The following HPSE2 variants were observed in gnomAD, a reference collection of about 807,000 sequenced individuals.
HPSE2 encodes inactive heparanase-2.
Under a neutral mutation model 60.5 loss-of-function variants are expected in HPSE2, and 38 were observed. The observed-to-expected ratio is 0.63, with a 90% CI of 0.48 to 0.82. The LOEUF is 0.82. Among genes scored for constraint, HPSE2 ranks in the 40% least tolerant of loss-of-function variants. The pLI, the probability that HPSE2 is intolerant of heterozygous loss-of-function variation, is 0.00. For missense variants in HPSE2, 713 were observed against 740.4 expected (o/e 0.96, Z 0.43); for synonymous variants, 295 against 293.2 (o/e 1.01, Z -0.06).
At chr10:98,772,778 A>G (rs888186556) in intron 3 of HPSE2, among the ~76,000 whole-genome samples, 1 of 152,234 alleles carries the variant, frequency 6.6e-6, no homozygotes, top group African/African-American at 2.4e-5. Context: ...CTTGGACATG[A>G]CTACAAAAAA....
At chr10:98,981,694 A>T (rs147843253) in intron 3 of HPSE2, among the ~76,000 whole-genome samples, 71 of 152,236 alleles carry the variant, frequency 4.7e-4, no homozygotes, top group African/African-American at 1.6e-3. Context: ...CCTATCTGGT[A>T]GCTATTTCTA....
At chr10:99,160,856 G>A (rs530134816) in intron 2 of HPSE2, among the ~76,000 whole-genome samples, 12 of 124,290 alleles carry the variant, frequency 9.7e-5, no homozygotes, top group East Asian at 2.5e-4. Flanking sequence ...CCGAGATCCC[G>A]CCACTGCACT....
intron 8 of HPSE2, among the ~76,000 whole-genome samples, chr10:98,615,355 T>G (rs535267384): frequency 1.3e-5 from 2 of 152,244 alleles, no homozygotes; most frequent in South Asian, 4.2e-4. Flanking sequence ...AAGCCTAATA[T>G]CCCTCCTGGC....
At chr10:99,155,866 T>C (rs1260442801) in intron 2 of HPSE2, among the ~76,000 whole-genome samples, 4 of 150,164 alleles carry the variant, frequency 2.7e-5, no homozygotes, top group East Asian at 4.0e-4. Context: ...GCAAGACTAA[T>C]AAAGAAAAAA....
chr10:99,114,001 CCTTTA>C (rs1309210140), intron 3 of HPSE2, among the ~76,000 whole-genome samples: 2 of 152,212 alleles, frequency 1.3e-5, no homozygotes, highest in South Asian at 2.1e-4. Flanking sequence ...TTCAAAAATC[CCTTTA>C]CTTTAAGTCC....
chr10:98,726,715 C>T (rs1385744044), intron 4 of HPSE2, among the ~76,000 whole-genome samples: 1 of 151,104 alleles, frequency 6.6e-6, no homozygotes, highest in Non-Finnish European at 1.5e-5. Context: ...CACAGTGAAC[C>T]TTGACAATCT....
intron 3 of HPSE2, among the ~76,000 whole-genome samples, chr10:98,936,427 T>G (rs934935336): frequency 7.0e-6 from 1 of 143,404 alleles, no homozygotes; most frequent in Admixed American, 7.0e-5. Flanking sequence ...CCTGGTGGTG[T>G]AGGCTCACGA....
chr10:99,009,256 A>G (rs1265832895), intron 3 of HPSE2, among the ~76,000 whole-genome samples: 1 of 151,218 alleles, frequency 6.6e-6, no homozygotes, highest in Non-Finnish European at 1.5e-5. Context: ...AAAAAAAAAA[A>G]AAAAAAAAAA....
chr10:98,998,448 GTGATTTT>G (rs1241804958), intron 3 of HPSE2, among the ~76,000 whole-genome samples: 1 of 152,208 alleles, frequency 6.6e-6, no homozygotes, highest in African/African-American at 2.4e-5. Flanking sequence ...ATTTCTTCAT[GTGATTTT>G]GGCTGGTAGT....
At chr10:98,561,982 A>G (rs1051062477) in intron 9 of HPSE2, among the ~76,000 whole-genome samples, 2 of 152,246 alleles carry the variant, frequency 1.3e-5, no homozygotes, top group African/African-American at 2.4e-5. Context: ...CATTCACTCA[A>G]CACTCATTTA....
intron 7 of HPSE2, 101 bp from the exon 8 acceptor site, chr10:98,620,809 T>C (rs1364950070): frequency 1.2e-6 from 1 of 837,780 alleles, no homozygotes; most frequent in African/African-American, 1.7e-5. Context: ...TCTGATTTCC[T>C]GTTTTCAGGG....
At chr10:98,697,745 G>A (rs1005528853) in intron 5 of HPSE2, among the ~76,000 whole-genome samples, 2 of 152,096 alleles carry the variant, frequency 1.3e-5, no homozygotes, top group Non-Finnish European at 2.9e-5. Context: ...AAAATGTTAA[G>A]GGCAGCCAGA....
the HPSE2 span, among the ~76,000 whole-genome samples, chr10:99,305,997 A>ACACACACACACACG: frequency 6.7e-6 from 1 of 149,862 alleles, no homozygotes; most frequent in Non-Finnish European, 1.5e-5. Context: ...ACACACACAC[A>ACACACACACACACG]CACACACACA....
rs532975431 is a variant in HPSE2, at chr10:99,117,768, G to A, written c.610+26470C>T. On this transcript the variant is annotated intron_variant, in intron 3 of 11. Coordinates refer to ENST00000370552, the MANE Select transcript of HPSE2 (RefSeq NM_021828.5). The stretch of plus-strand genomic sequence containing the variant: ...AAGCCCAGGAACAAACAGATTCACA[G>A]TCGAATTCTACCAGTTATAAAAAGA... 3.9e-5 allele frequency among the ~76,000 whole-genome samples: 6 copies of A among 152,214 alleles called. 1 individual carries two copies. In the South Asian group the frequency reaches 1.2e-3, roughly 32 times the overall value.
intron 3 of HPSE2, among the ~76,000 whole-genome samples, chr10:99,005,344 CTTTTTAA>C (rs949097907): frequency 2.0e-5 from 3 of 152,006 alleles, no homozygotes; most frequent in Admixed American, 6.5e-5. Flanking sequence ...CACTCCTTTT[CTTTTTAA>C]TTTTTATCAT....
In HPSE2 at chr10:98,596,336, A is replaced by T. The variant is rs760069108; in HGVS notation, c.1320+18568T>A. ...TATTGTTGCTATTGTTATTTTTAGT[A>T]GTTTTTTAATCTTCATTTTAAAGAT... On this transcript the variant is annotated intron_variant, in intron 9 of 11. Coordinates refer to ENST00000370552, the MANE Select transcript of HPSE2 (RefSeq NM_021828.5). 6.3e-3 allele frequency among the ~76,000 whole-genome samples: 960 copies of T among 151,862 alleles called. 4 individuals carry two copies. Among genetic ancestry groups the T allele is most frequent in the Non-Finnish European group, 9.7e-3 (659 of 67,914 alleles).
intron 3 of HPSE2, among the ~76,000 whole-genome samples, chr10:99,097,674 G>T (rs951433726): frequency 9.9e-5 from 15 of 152,082 alleles, no homozygotes; most frequent in Admixed American, 9.8e-4. Context: ...TCCCTATGTT[G>T]TAACACTACT....
intron 3 of HPSE2, among the ~76,000 whole-genome samples, chr10:98,788,625 A>C (rs2042323310): frequency 6.6e-6 from 1 of 152,170 alleles, no homozygotes. Context: ...CCTCTGAGCC[A>C]GGTGTGGGAT....
intron 6 of HPSE2, among the ~76,000 whole-genome samples, chr10:98,650,496 T>C (rs1241809373): frequency 6.6e-6 from 1 of 152,244 alleles, no homozygotes; most frequent in Non-Finnish European, 1.5e-5. Context: ...TGTCCTTGTA[T>C]GAAAATTAAA....
Sources: gnomAD v4.1 joint callset for allele counts (sites outside exome capture counted in the v4.1 genomes callset) on GRCh38, gnomAD v4.1.1 for gene constraint, MANE v1.5 for transcripts, NCBI Gene and HGNC (gene_info 2026-07-23, HGNC 2026-07-21) for gene names.